The following GMDS variants were observed in gnomAD, a reference collection of about 807,000 sequenced individuals.
The protein encoded by GMDS is GDP-mannose 4,6-dehydratase, also known as GDP-mannose 4,6 dehydratase.
Under a neutral mutation model 49.9 loss-of-function variants are expected in GMDS, and 20 were observed. The ratio of observed to expected loss-of-function variants is 0.40; its 90% CI spans 0.28 to 0.58. The LOEUF (loss-of-function observed/expected upper bound fraction) is 0.58, where lower values mean the gene tolerates loss of function less well. GMDS is among the 20% of genes least tolerant of loss of function. The pLI, the probability that GMDS is intolerant of heterozygous loss-of-function variation, is 0.42. For synonymous variants in GMDS, 177 were observed against 178.6 expected, an observed-to-expected ratio of 0.99 and a Z score of 0.07; for missense variants, 362 against 481.4, an observed-to-expected ratio of 0.75 and a Z score of 2.32.
At chr6:2,211,223 A>G (rs1408418637) in intron 1 of GMDS, among the ~76,000 whole-genome samples, 1 of 152,184 alleles carries the variant, frequency 6.6e-6, no homozygotes, top group Non-Finnish European at 1.5e-5. Flanking sequence ...TTCCTCTGCC[A>G]CCACACTAGA....
intron 4 of GMDS, among the ~76,000 whole-genome samples, chr6:1,981,891 T>A (rs774098205): frequency 1.3e-5 from 2 of 152,224 alleles, no homozygotes; most frequent in Non-Finnish European, 2.9e-5. Context: ...ATAAATGTGA[T>A]TCATCACATA....
chr6:1,933,505 G>T (rs1422119435), intron 6 of GMDS, among the ~76,000 whole-genome samples: 2 of 152,236 alleles, frequency 1.3e-5, no homozygotes, highest in Non-Finnish European at 2.9e-5. Flanking sequence ...ACAGGGCTCT[G>T]ATTTCTTCCC....
At chr6:2,050,539 T>A (rs1378341040) in intron 4 of GMDS, among the ~76,000 whole-genome samples, 1 of 152,188 alleles carries the variant, frequency 6.6e-6, no homozygotes, top group Non-Finnish European at 1.5e-5. Flanking sequence ...GAGGCCAGCA[T>A]CATCCTAATA....
chr6:1,885,677 G>A (rs1759566718), intron 7 of GMDS, among the ~76,000 whole-genome samples: 1 of 152,168 alleles, frequency 6.6e-6, no homozygotes, highest in South Asian at 2.1e-4. Flanking sequence ...TGGGCTGCCC[G>A]CTTCCCACGT....
intron 7 of GMDS, among the ~76,000 whole-genome samples, chr6:1,844,603 C>T (rs914651517): frequency 1.3e-5 from 2 of 152,054 alleles, no homozygotes; most frequent in South Asian, 2.1e-4. Flanking sequence ...TAACAAGAAA[C>T]ATTAACAACC....
intron 4 of GMDS, among the ~76,000 whole-genome samples, chr6:2,109,432 T>C (rs1453529409): frequency 6.6e-6 from 1 of 152,156 alleles, no homozygotes; most frequent in African/African-American, 2.4e-5. Flanking sequence ...TCCACATACA[T>C]AGGCCCACAG....
At chr6:1,989,472 T>G (rs967525397) in intron 4 of GMDS, among the ~76,000 whole-genome samples, 3 of 152,234 alleles carry the variant, frequency 2.0e-5, no homozygotes, top group African/African-American at 7.2e-5. Flanking sequence ...AAAGGCTTTG[T>G]GTTCACATGT....
intron 1 of GMDS, among the ~76,000 whole-genome samples, chr6:2,243,840 C>CTTTTTT (rs1781725608): frequency 7.9e-6 from 1 of 127,128 alleles, no homozygotes; most frequent in African/African-American, 3.4e-5. Flanking sequence ...TCAACTTCTC[C>CTTTTTT]TTCTTTTTTT....
rs776543054 is a variant in GMDS, at chr6:1,930,212, C to T, written c.662G>A (p.Arg221Gln). ...SPRRGANFVT[R>Q]KISRSVAKIY... ...CTTAGCTACTGACCGGCTAATTTTTCGAGTAACGAAATTAGCTCCTAAAAA... is the reference window on the plus strand; with the variant it reads ...CTTAGCTACTGACCGGCTAATTTTTTGAGTAACGAAATTAGCTCCTAAAAA... Residue 221 changes from arginine to glutamine, a missense_variant, in exon 7 of 11, where the codon CGA becomes CAA. Coordinates refer to ENST00000380815, the MANE Select transcript of GMDS (RefSeq NM_001500.4). 1.1e-5 allele frequency: 18 copies of T among 1,612,464 alleles called. No individual in the cohort carries two copies. The highest frequency in any genetic ancestry group is 2.2e-5 in the South Asian group (2 of 90,720).
At chr6:2,232,529 T>C (rs1781156826) in intron 1 of GMDS, among the ~76,000 whole-genome samples, 1 of 152,204 alleles carries the variant, frequency 6.6e-6, no homozygotes, top group African/African-American at 2.4e-5. Flanking sequence ...CAAAACTGGT[T>C]TGTCATCTTA....
intron 9 of GMDS, among the ~76,000 whole-genome samples, chr6:1,677,560 T>C (rs1764663992): frequency 6.6e-6 from 1 of 152,042 alleles, no homozygotes; most frequent in African/African-American, 2.4e-5. Context: ...TGTCCATCAA[T>C]GATAGACTGG....
chr6:1,773,903 T>C (rs1377178381), intron 7 of GMDS, among the ~76,000 whole-genome samples: 1 of 152,218 alleles, frequency 6.6e-6, no homozygotes, highest in African/African-American at 2.4e-5. Flanking sequence ...ACATTTACTA[T>C]TGGGTCAAAA....
chr6:1,815,222 C>CA (rs1770607890), intron 7 of GMDS, among the ~76,000 whole-genome samples: 1 of 103,856 alleles, frequency 9.6e-6, no homozygotes, highest in African/African-American at 5.7e-5. Flanking sequence ...ATTCATCTAC[C>CA]GAAAAAAATT....
At chr6:1,880,223 G>C (rs1218088739) in intron 7 of GMDS, among the ~76,000 whole-genome samples, 1 of 147,592 alleles carries the variant, frequency 6.8e-6, no homozygotes, top group Non-Finnish European at 1.5e-5. Context: ...TGAGATGGGA[G>C]GACTGCTTGA....
At chr6:1,666,772 C>G (rs1420286757) in intron 9 of GMDS, among the ~76,000 whole-genome samples, 1 of 152,190 alleles carries the variant, frequency 6.6e-6, no homozygotes, top group Non-Finnish European at 1.5e-5. Flanking sequence ...TTTTGGTCCT[C>G]AAGGTCACAG....
intron 1 of GMDS, among the ~76,000 whole-genome samples, chr6:2,202,964 T>C (rs1314396043): frequency 2.0e-5 from 3 of 152,146 alleles, no homozygotes; most frequent in Non-Finnish European, 2.9e-5. Context: ...GTCTGGGCTG[T>C]GCACCCCCTT....
chr6:1,880,187 C>T (rs1759294936), intron 7 of GMDS, among the ~76,000 whole-genome samples: 1 of 150,730 alleles, frequency 6.6e-6, no homozygotes, highest in African/African-American at 2.5e-5. Flanking sequence ...GTGGCTCACA[C>T]CTGTAATCCC....
intron 7 of GMDS, among the ~76,000 whole-genome samples, chr6:1,924,696 C>G (rs1011624346): frequency 2.0e-5 from 3 of 152,090 alleles, no homozygotes; most frequent in African/African-American, 7.2e-5. Flanking sequence ...ACAGTGCCAC[C>G]CTGAGAAGTC....
chr6:1,965,396 AT>A (rs1478797471), intron 4 of GMDS, among the ~76,000 whole-genome samples: 1 of 152,268 alleles, frequency 6.6e-6, no homozygotes, highest in Non-Finnish European at 1.5e-5. Flanking sequence ...GATATTCAAC[AT>A]GCTACAGGAT....
Sources: allele counts gnomAD v4.1 joint callset (sites outside exome capture counted in the v4.1 genomes callset), GRCh38; gene constraint gnomAD v4.1.1; transcripts MANE v1.5; gene names NCBI Gene and HGNC (gene_info 2026-07-23, HGNC 2026-07-21).